Variants in SNCAIP observed in about 807,000 individuals in gnomAD.
SNCAIP encodes the protein synuclein alpha interacting protein.
Under a neutral mutation model 86.7 loss-of-function variants are expected in SNCAIP, and 43 were observed. That is an observed-to-expected ratio of 0.50 (90% CI 0.39 to 0.64). The LOEUF is 0.64. Among genes scored for constraint, SNCAIP ranks in the 30% least tolerant of loss-of-function variants. SNCAIP has a pLI of 0.00. For missense variants in SNCAIP, 981 were observed against 1,103.1 expected, an observed-to-expected ratio of 0.89 and a Z score of 1.57; for synonymous variants, 417 against 427.2, an observed-to-expected ratio of 0.98 and a Z score of 0.29.
At chr5:122,403,654 G>A (rs1581026241) in intron 2 of SNCAIP, 139 bp from the exon 3 acceptor site, 4 of 787,070 alleles carry the variant, frequency 5.1e-6, no homozygotes, top group East Asian at 4.9e-5. Context: ...AGCCCATTTA[G>A]GGTAAAATGA....
chr5:122,431,945 C>A, intron 5 of SNCAIP, 24 bp from the exon 6 acceptor site: 1 of 1,127,078 alleles, frequency 8.9e-7, no homozygotes, highest in Non-Finnish European at 1.4e-6. Context: ...GAATTTCCAT[C>A]TCCCTTTCTT....
At chr5:122,324,643 A>G (rs1428702999) in intron 1 of SNCAIP, among the ~76,000 whole-genome samples, 1 of 152,212 alleles carries the variant, frequency 6.6e-6, no homozygotes, top group African/African-American at 2.4e-5. Flanking sequence ...GTTACCTGTT[A>G]TTTACACTCA....
chr5:122,377,381 C>G (rs1198326856), intron 1 of SNCAIP, among the ~76,000 whole-genome samples: 1 of 151,912 alleles, frequency 6.6e-6, no homozygotes, highest in African/African-American at 2.4e-5. Flanking sequence ...ATTCTTTTAT[C>G]TTCTCCTGCA....
chr5:122,456,396 G>T (rs899634655), intron 10 of SNCAIP, among the ~76,000 whole-genome samples: 2 of 152,168 alleles, frequency 1.3e-5, no homozygotes, highest in African/African-American at 2.4e-5. Context: ...ATGGTCATCT[G>T]CTGTGCCCAT....
At position 122,450,695 on chromosome 5, in the gene SNCAIP, T is replaced by C. The variant is rs1306692771; in HGVS notation, c.1848T>C (p.Ser616=). The C allele has an allele frequency of 1.9e-6, 3 of 1,614,212 alleles. No homozygotes were observed. Among genetic ancestry groups the C allele is most frequent in the Non-Finnish European group, 8.5e-7 (1 of 1,180,026 alleles). ...RARPKAKDED[S]DKILRQLLGK... ...GACCCAAAGCAAAAGATGAAGATTCTGATAAAATCTTACGCCAGTTATTGG... is the reference window on the plus strand; with the variant it reads ...GACCCAAAGCAAAAGATGAAGATTCCGATAAAATCTTACGCCAGTTATTGG... The change falls in exon 10 of 11, where the codon TCT becomes TCC. Residue 616 remains serine, a synonymous_variant. Coordinates refer to ENST00000261368, the MANE Select transcript of SNCAIP (RefSeq NM_005460.4).
chr5:122,379,563 C>T (rs1391125103), intron 1 of SNCAIP, among the ~76,000 whole-genome samples: 1 of 148,534 alleles, frequency 6.7e-6, no homozygotes, highest in Non-Finnish European at 1.5e-5. Context: ...CTGGCCAGAA[C>T]TTCCAACACT....
At position 122,316,947 on chromosome 5, in the gene SNCAIP, C is replaced by T. The variant is rs904784447; in HGVS notation, c.-47+4663C>T. 2.0e-5 allele frequency among the ~76,000 whole-genome samples: 3 copies of T among 152,152 alleles called. No individual in the cohort carries two copies. The East Asian group carries it at 5.8e-4, about 29-fold the overall frequency. ...ACGACCTTGGATGGACCAGCTCAAA[C>T]CAAAGAATACGTTTTTATCATTTTT... On this transcript the variant is annotated intron_variant, in intron 1 of 10. Coordinates refer to ENST00000261368, the MANE Select transcript of SNCAIP (RefSeq NM_005460.4).
intron 1 of SNCAIP, among the ~76,000 whole-genome samples, chr5:122,321,050 G>A (rs978189235): frequency 3.0e-4 from 45 of 151,990 alleles, no homozygotes; most frequent in African/African-American, 1.1e-3. Flanking sequence ...CTGAAGCATT[G>A]TCTTGTGACT....
chr5:122,443,042 T>C (rs748017728), intron 7 of SNCAIP, among the ~76,000 whole-genome samples: 3 of 152,198 alleles, frequency 2.0e-5, no homozygotes, highest in Non-Finnish European at 2.9e-5. Context: ...TGTGTGTTTA[T>C]ATAGCATCTC....
intron 9 of SNCAIP, among the ~76,000 whole-genome samples, chr5:122,450,225 A>C (rs12186981): frequency 0.21 from 31,380 of 152,070 alleles, 3,717 homozygotes; most frequent in South Asian, 0.32. Context: ...TGGGAATAGG[A>C]GATATATATA....
intron 1 of SNCAIP, among the ~76,000 whole-genome samples, chr5:122,369,287 T>C (rs946614112): frequency 6.6e-6 from 1 of 152,200 alleles, no homozygotes; most frequent in African/African-American, 2.4e-5. Context: ...GTATGTTTTA[T>C]TTCTCCTCCT....
At chr5:122,384,131 A>G (rs577543993) in intron 1 of SNCAIP, among the ~76,000 whole-genome samples, 2 of 152,314 alleles carry the variant, frequency 1.3e-5, no homozygotes, top group South Asian at 2.1e-4. Context: ...TCTGACCTAG[A>G]TGGTTCAAAG....
At position 122,450,740 on chromosome 5, in the gene SNCAIP, T is replaced by C. The variant is rs1400601052; in HGVS notation, c.1893T>C (p.Asn631=). The change falls in exon 10 of 11, where the codon AAT becomes AAC. Residue 631 remains asparagine, a synonymous_variant. Transcript: ENST00000261368. ...TATTGGGAAAGGAAATCTCAGAAAATGTCTGCACCCAGGAAAAACTGTCCT... is the reference window on the plus strand; with the variant it reads ...TATTGGGAAAGGAAATCTCAGAAAACGTCTGCACCCAGGAAAAACTGTCCT... ...RQLLGKEISE[N]VCTQEKLSLE... The C allele has an allele frequency of 1.2e-6, 2 of 1,614,028 alleles. No homozygotes were observed. The highest frequency in any genetic ancestry group is 2.2e-5 in the East Asian group (1 of 44,890).
intron 10 of SNCAIP, among the ~76,000 whole-genome samples, chr5:122,457,329 C>T (rs557392605): frequency 7.9e-5 from 12 of 152,236 alleles, no homozygotes; most frequent in South Asian, 4.1e-4. Flanking sequence ...AAGCCCTGAA[C>T]GGAAGTATAA....
At chr5:122,453,407 A>G (rs544122880) in intron 10 of SNCAIP, among the ~76,000 whole-genome samples, 179 of 152,358 alleles carry the variant, frequency 1.2e-3, no homozygotes, top group Non-Finnish European at 2.2e-3. Flanking sequence ...TGCTGATTAC[A>G]AACCAAAAGC....
chr5:122,332,821 G>C (rs1580840288), intron 1 of SNCAIP, among the ~76,000 whole-genome samples: 1 of 152,180 alleles, frequency 6.6e-6, no homozygotes, highest in African/African-American at 2.4e-5. Flanking sequence ...AGGCCCATTA[G>C]AACAAGCAAT....
chr5:122,358,306 T>G (rs987368410), intron 1 of SNCAIP, among the ~76,000 whole-genome samples: 2 of 149,542 alleles, frequency 1.3e-5, no homozygotes, highest in Non-Finnish European at 3.0e-5. Context: ...GCTGCACCCA[T>G]TAACTCGTCA....
At chr5:122,358,312 C>T (rs943175917) in intron 1 of SNCAIP, among the ~76,000 whole-genome samples, 9 of 149,522 alleles carry the variant, frequency 6.0e-5, no homozygotes, top group Non-Finnish European at 1.0e-4. Flanking sequence ...CCCATTAACT[C>T]GTCATTTATA....
chr5:122,326,326 C>T (rs1054037233), intron 1 of SNCAIP, among the ~76,000 whole-genome samples: 15 of 152,130 alleles, frequency 9.9e-5, no homozygotes, highest in Non-Finnish European at 1.5e-5. Context: ...TCATAAGCCA[C>T]ATAAAGTAGG....
Sources: gnomAD v4.1 joint callset for allele counts (sites outside exome capture counted in the v4.1 genomes callset) on GRCh38, gnomAD v4.1.1 for gene constraint, MANE v1.5 for transcripts, NCBI Gene and HGNC (gene_info 2026-07-23, HGNC 2026-07-21) for gene names.